Variants in OSBPL6 observed in about 807,000 individuals in gnomAD.
The protein encoded by OSBPL6 is oxysterol binding protein like 6, also known as oxysterol-binding protein-related protein 6.
In OSBPL6, 49 loss-of-function variants were observed where a neutral mutation model predicts 125.8. That is an observed-to-expected ratio of 0.39 (90% CI 0.31 to 0.49). The LOEUF is 0.49. Ranked by LOEUF, OSBPL6 falls within the 20% of genes least tolerant of loss-of-function variation. The probability of loss-of-function intolerance (pLI) is 0.88; values close to 1 mark genes in which losing one functional copy is unlikely to be tolerated. For missense variants in OSBPL6, 986 were observed against 1,135.4 expected (o/e 0.87, Z 1.89); for synonymous variants, 394 against 391.8 (o/e 1.01, Z -0.07).
chr2:178,312,858 T>C (rs1477788450), intron 3 of OSBPL6, among the ~76,000 whole-genome samples: 1 of 152,164 alleles, frequency 6.6e-6, no homozygotes, highest in East Asian at 1.9e-4. Flanking sequence ...TGACTGGATT[T>C]TGTTTCCATA....
At chr2:178,243,616 C>T (rs1430488595) in intron 1 of OSBPL6, among the ~76,000 whole-genome samples, 1 of 152,214 alleles carries the variant, frequency 6.6e-6, no homozygotes, top group East Asian at 1.9e-4. Context: ...CCATAGCTTC[C>T]CCATTTCTCA....
intron 10 of OSBPL6, 141 bp from the exon 11 acceptor site, chr2:178,339,531 T>C (rs992431613): frequency 4.3e-6 from 2 of 469,280 alleles, no homozygotes; most frequent in Middle Eastern, 5.4e-4. Context: ...ACTATTCGTC[T>C]AATATGCCTT....
chr2:178,320,434 A>C lies in OSBPL6; in HGVS notation c.103-3743A>C, dbSNP rs756033261. On this transcript the variant is annotated intron_variant, in intron 3 of 24. Transcript: ENST00000190611. ...ACTTCCACCTTCTCTGTGTGTTCTA[A>C]GTTCCTTAAAAAACTGACCTGGAAA... The C allele has an allele frequency of 2.3e-5, 37 of 1,600,022 alleles. No homozygotes were observed. The East Asian group carries it at 7.8e-4, about 34-fold the overall frequency.
At chr2:178,329,429 T>C (rs950912443) in intron 5 of OSBPL6, among the ~76,000 whole-genome samples, 2 of 151,478 alleles carry the variant, frequency 1.3e-5, no homozygotes, top group Non-Finnish European at 2.9e-5. Flanking sequence ...TTTTTTTTTT[T>C]TTTGAGACAG....
chr2:178,246,973 A>C (rs1464321452), intron 1 of OSBPL6, among the ~76,000 whole-genome samples: 2 of 151,490 alleles, frequency 1.3e-5, no homozygotes, highest in Non-Finnish European at 2.9e-5. Context: ...ATCTGGTTCC[A>C]ACCTCCCTTG....
chr2:178,272,967 G>A (rs139162262), intron 1 of OSBPL6, among the ~76,000 whole-genome samples: 19 of 152,322 alleles, frequency 1.2e-4, no homozygotes, highest in Middle Eastern at 3.4e-3. Flanking sequence ...GGTGCTGAGT[G>A]AAAGTTATGA....
intron 1 of OSBPL6, among the ~76,000 whole-genome samples, chr2:178,272,290 A>G (rs1240480067): frequency 1.3e-5 from 2 of 152,204 alleles, no homozygotes; most frequent in Non-Finnish European, 2.9e-5. Context: ...ACTTTTGTTA[A>G]TCTTTCCCTG....
chr2:178,229,132 A>G (rs2090703556), intron 1 of OSBPL6, among the ~76,000 whole-genome samples: 1 of 152,192 alleles, frequency 6.6e-6, no homozygotes, highest in Non-Finnish European at 1.5e-5. Flanking sequence ...CCCGCCTTAT[A>G]ACAACCCACT....
At position 178,349,415 on chromosome 2, in the gene OSBPL6, T is replaced by C. The variant is rs1691028979; in HGVS notation, c.1153+26T>C. 74 of 1,602,686 alleles carry C rather than the reference T, an allele frequency of 4.6e-5. 1 individual carries two copies. The highest frequency in any genetic ancestry group is 6.0e-5 in the Non-Finnish European group (70 of 1,171,648). ...GTAAGAACAAAAATAATGCGCCCTTTAAAGAAGCTCTCTTCTTTGATGAAA... is the reference window on the plus strand; with the variant it reads ...GTAAGAACAAAAATAATGCGCCCTTCAAAGAAGCTCTCTTCTTTGATGAAA... On this transcript the variant is annotated intron_variant, in intron 12 of 24. Coordinates refer to ENST00000190611, the MANE Select transcript of OSBPL6 (RefSeq NM_032523.4).
intron 1 of OSBPL6, among the ~76,000 whole-genome samples, chr2:178,197,456 A>T (rs2088967705): frequency 6.6e-6 from 1 of 152,196 alleles, no homozygotes; most frequent in African/African-American, 2.4e-5. Context: ...TGATCATTGT[A>T]CAGTAATTCC....
At position 178,385,762 on chromosome 2, in the gene OSBPL6, C is replaced by T. The variant is rs148490468; in HGVS notation, c.2077+241C>T. ...CTGTATGGAATAGCAGAGCTCCATGCGGACTGTGCCGGTGGAGAGCCACCA... is the reference window on the plus strand; with the variant it reads ...CTGTATGGAATAGCAGAGCTCCATGTGGACTGTGCCGGTGGAGAGCCACCA... On this transcript the variant is annotated intron_variant, in intron 19 of 24. Transcript: ENST00000190611. 1.6e-4 allele frequency among the ~76,000 whole-genome samples: 25 copies of T among 152,294 alleles called. No homozygotes were observed. In the East Asian group the frequency reaches 3.5e-3, roughly 21 times the overall value.
rs1053836221 is a variant in OSBPL6 at position 178,392,380 on chromosome 2, C to T, written c.2447-32C>T. The T allele has an allele frequency of 6.2e-6, 10 of 1,611,544 alleles. No homozygotes were observed. The African/African-American group carries it at 6.7e-5, about 11-fold the overall frequency. ...TTCTTCCAGTTCCATAAACCTTCTG[C>T]CTCTCACAGTGGTTCATTGGCCTCT... On this transcript the variant is annotated intron_variant, in intron 22 of 24. Coordinates refer to ENST00000190611, the MANE Select transcript of OSBPL6 (RefSeq NM_032523.4).
intron 1 of OSBPL6, among the ~76,000 whole-genome samples, chr2:178,282,857 TG>T (rs1228160967): frequency 2.0e-5 from 3 of 152,182 alleles, no homozygotes; most frequent in Non-Finnish European, 4.4e-5. Context: ...TTCACCATGT[TG>T]GCCAAGCTGG....
At chr2:178,298,176 A>C (rs1405795640) in intron 2 of OSBPL6, among the ~76,000 whole-genome samples, 1 of 152,202 alleles carries the variant, frequency 6.6e-6, no homozygotes, top group African/African-American at 2.4e-5. Flanking sequence ...TGATGCCTTC[A>C]GGGTCCATCT....
intron 1 of OSBPL6, among the ~76,000 whole-genome samples, chr2:178,266,673 T>C (rs1559179931): frequency 6.6e-6 from 1 of 152,182 alleles, no homozygotes; most frequent in Non-Finnish European, 1.5e-5. Context: ...TCACAGTCTC[T>C]TCACTCCAGT....
chr2:178,339,651 T>A (rs1690022503), intron 10 of OSBPL6, 21 bp from the exon 11 acceptor site: 1 of 1,565,902 alleles, frequency 6.4e-7, no homozygotes, highest in African/African-American at 1.4e-5. Flanking sequence ...TTTGTTGCTT[T>A]TAACTATTTG....
chr2:178,328,177 A>G (rs1688863623), intron 4 of OSBPL6, 79 bp from the exon 5 acceptor site: 2 of 1,576,916 alleles, frequency 1.3e-6, no homozygotes, highest in African/African-American at 1.4e-5. Context: ...TTCAAAAGCA[A>G]CTTCTACTTA....
intron 1 of OSBPL6, among the ~76,000 whole-genome samples, chr2:178,211,171 T>C (rs1338986366): frequency 1.3e-5 from 2 of 152,144 alleles, no homozygotes; most frequent in Admixed American, 1.3e-4. Flanking sequence ...CTCACGAGGC[T>C]AAGGAAGAAG....
Position 178,298,694 on chromosome 2 carries a change from GC to G in OSBPL6, c.-155-7335del, listed in dbSNP as rs199956988. 0.02 allele frequency among the ~76,000 whole-genome samples: 2,730 copies of G among 139,426 alleles called. 117 individuals are homozygous for G. The East Asian group carries it at 0.2, about 10-fold the overall frequency. 91.5% of individuals were successfully genotyped at this position (139,426 alleles called of 152,430 possible). A position where few individuals can be genotyped will look rare whatever the true frequency, so the allele number is the denominator to read the frequency against. ...CACCATGCCCAGCCTATTTTTAGTT[GC>G]TTTTTTTTTTGTTTTTTTTTTTTTG... On this transcript the variant is annotated intron_variant, in intron 2 of 24. Transcript: ENST00000190611.
Sources: allele counts gnomAD v4.1 joint callset (sites outside exome capture counted in the v4.1 genomes callset), GRCh38; gene constraint gnomAD v4.1.1; transcripts MANE v1.5; gene names NCBI Gene and HGNC (gene_info 2026-07-23, HGNC 2026-07-21).